CERK: variants seen among roughly 807,000 people sequenced by gnomAD.
CERK encodes ceramide kinase.
CERK carries 39 observed loss-of-function variants against 63.4 expected under a neutral mutation model. The ratio of observed to expected loss-of-function variants is 0.61; its 90% CI spans 0.48 to 0.80. The LOEUF (loss-of-function observed/expected upper bound fraction) is 0.80. Ranked by LOEUF, CERK falls within the 30% of genes least tolerant of loss-of-function variation. The pLI, the probability that CERK is intolerant of heterozygous loss-of-function variation, is 0.00. For missense variants in CERK, 670 were observed against 714.1 expected, an observed-to-expected ratio of 0.94 and a Z score of 0.70; for synonymous variants, 302 against 280.0, an observed-to-expected ratio of 1.08 and a Z score of -0.78.
chr22:46,703,547 A>G (rs546652869), intron 6 of CERK, among the ~76,000 whole-genome samples: 1 of 152,242 alleles, frequency 6.6e-6, no homozygotes, highest in Non-Finnish European at 1.5e-5. Flanking sequence ...CCAGGTTGCC[A>G]TGGTGACCGT....
chr22:46,701,660 T>C lies in CERK; in HGVS notation c.766A>G (p.Thr256Ala). ...YSTVGTSDAE[T>A]SALHIVVGDS... ...CCAACAACGATATGCAGCGCCGAGG[T>C]TTCTGCGTCGCTGGTGCCCACGGTG... is the stretch of plus-strand genomic sequence containing the variant. The change falls in exon 7 of 13, where the codon ACC (threonine) becomes GCC (alanine). Residue 256 changes from threonine (T) to alanine (A), a missense_variant. Coordinates refer to ENST00000216264, the MANE Select transcript of CERK (RefSeq NM_022766.6). 1 of 1,559,136 alleles carries C rather than the reference T, an allele frequency of 6.4e-7. No homozygotes were observed. Among genetic ancestry groups the C allele is most frequent in the Non-Finnish European group, 8.7e-7 (1 of 1,151,426 alleles).
chr22:46,713,098 T>C (rs1174453082), intron 3 of CERK, among the ~76,000 whole-genome samples: 2 of 152,046 alleles, frequency 1.3e-5, no homozygotes, highest in Admixed American at 1.3e-4. Flanking sequence ...CATTTCTGTT[T>C]TGGTGGGTTC....
At position 46,701,042 on chromosome 22, in the gene CERK, T is replaced by C. The variant is rs1170218616; in HGVS notation, c.790+594A>G. ...AAAAAAAAATCCTAAGTGGCTATTT[T>C]AAAATATACAGTTTCTGTGACTTCA... On this transcript the variant is annotated intron_variant, in intron 7 of 12. Coordinates refer to ENST00000216264, the MANE Select transcript of CERK (RefSeq NM_022766.6). 7.9e-5 allele frequency among the ~76,000 whole-genome samples: 12 copies of C among 152,216 alleles called. No homozygotes were observed. In the East Asian group the frequency reaches 1.7e-3, roughly 22 times the overall value.
intron 7 of CERK, among the ~76,000 whole-genome samples, chr22:46,699,752 G>A (rs2082774385): frequency 6.6e-6 from 1 of 152,208 alleles, no homozygotes; most frequent in African/African-American, 2.4e-5. Context: ...TTAACTGAAA[G>A]GACGGTGGTT....
At chr22:46,711,791 GGA>G (rs373010785) in intron 4 of CERK, among the ~76,000 whole-genome samples, 5 of 152,186 alleles carry the variant, frequency 3.3e-5, no homozygotes, top group South Asian at 2.1e-4. Flanking sequence ...TAATCTTACA[GGA>G]TAAAAATCTT....
intron 11 of CERK, among the ~76,000 whole-genome samples, chr22:46,691,056 TAC>T (rs141210280): frequency 0.011 from 1,593 of 147,272 alleles, 13 homozygotes; most frequent in Non-Finnish European, 0.013. Flanking sequence ...TATACATACA[TAC>T]ACACACACAC....
At chr22:46,716,392 T>C (rs148008385) in intron 3 of CERK, among the ~76,000 whole-genome samples, 4,615 of 151,162 alleles carry the variant, frequency 0.031, 244 homozygotes, top group African/African-American at 0.11. Flanking sequence ...GGTTTCACCA[T>C]GTTGGCCAGG....
At chr22:46,699,657 C>T (rs1174929800) in intron 7 of CERK, among the ~76,000 whole-genome samples, 192 bp from the exon 8 acceptor site, 2 of 152,240 alleles carry the variant, frequency 1.3e-5, no homozygotes, top group Non-Finnish European at 2.9e-5. Context: ...AATGACTGAA[C>T]TCCACTCAAA....
At chr22:46,717,864 T>C (rs2082873680) in intron 3 of CERK, among the ~76,000 whole-genome samples, 1 of 152,170 alleles carries the variant, frequency 6.6e-6, no homozygotes, top group South Asian at 2.1e-4. Context: ...GCGGATCACT[T>C]GAGGTCAGGA....
At chr22:46,710,408 C>T (rs2082834704) in intron 5 of CERK, among the ~76,000 whole-genome samples, 1 of 138,864 alleles carries the variant, frequency 7.2e-6, no homozygotes, top group Non-Finnish European at 1.5e-5. Context: ...GCCTGGGCAA[C>T]AAGAGCGAAA....
At position 46,699,506 on chromosome 22, in the gene CERK, C is replaced by T. The variant is rs374629064; in HGVS notation, c.791-41G>A. The T allele has an allele frequency of 2.2e-5, 35 of 1,605,490 alleles. No homozygotes were observed. In the African/African-American group the frequency reaches 3.7e-4, roughly 17 times the overall value. On this transcript the variant is annotated intron_variant, in intron 7 of 12. Transcript: ENST00000216264. Reference sequence around the variant, plus strand: ...GCCGTGAGGGAAGGCAGCCCCCCTCCAGCCCCGCCCCATCCACTCCATCCC... The same window carrying T: ...GCCGTGAGGGAAGGCAGCCCCCCTCTAGCCCCGCCCCATCCACTCCATCCC...
Position 46,712,509 on chromosome 22 carries a change from A to T in CERK, c.380-216T>A, listed in dbSNP as rs146618777. The stretch of plus-strand genomic sequence containing the variant: ...GTCCAACTGGGCAAAGGCTATACAC[A>T]CATGTCGGACATCATGAAACTCCCA... On this transcript the variant is annotated intron_variant, in intron 3 of 12. Transcript: ENST00000216264. 7.2e-3 allele frequency among the ~76,000 whole-genome samples: 1,090 copies of T among 152,346 alleles called. 12 individuals carry two copies. Among genetic ancestry groups the T allele is most frequent in the African/African-American group, 0.025 (1,040 of 41,576 alleles).
At chr22:46,737,794 C>T (rs1169115297) in intron 1 of CERK, among the ~76,000 whole-genome samples, 1 of 152,016 alleles carries the variant, frequency 6.6e-6, no homozygotes, top group Admixed American at 6.5e-5. Flanking sequence ...GCTTTGTCCT[C>T]GGGTTCCCGG....
chr22:46,737,717 C>G (rs1205305051), intron 1 of CERK, among the ~76,000 whole-genome samples: 1 of 152,182 alleles, frequency 6.6e-6, no homozygotes, highest in Admixed American at 6.5e-5. Flanking sequence ...CCGGGGGCCA[C>G]GACCCCGCGC....
chr22:46,713,423 G>A (rs1196780095), intron 3 of CERK, among the ~76,000 whole-genome samples: 1 of 150,578 alleles, frequency 6.6e-6, no homozygotes, highest in African/African-American at 2.4e-5. Flanking sequence ...GCAGGAGAAT[G>A]GCATGAACCC....
intron 3 of CERK, among the ~76,000 whole-genome samples, chr22:46,717,575 G>A (rs2082872522): frequency 6.6e-6 from 1 of 152,252 alleles, no homozygotes; most frequent in Non-Finnish European, 1.5e-5. Context: ...GGCACAAAAG[G>A]TTTCATACTG....
chr22:46,733,837 T>A (rs1045421980), intron 1 of CERK, among the ~76,000 whole-genome samples: 1 of 150,720 alleles, frequency 6.6e-6, no homozygotes, highest in Non-Finnish European at 1.5e-5. Context: ...AGGTCAGGAG[T>A]TCGAGACTAG....
At chr22:46,704,967 G>C (rs1285655384) in intron 6 of CERK, among the ~76,000 whole-genome samples, 2 of 152,156 alleles carry the variant, frequency 1.3e-5, no homozygotes, top group Non-Finnish European at 2.9e-5. Flanking sequence ...CACACATAAT[G>C]AAAGAAATAC....
intron 3 of CERK, among the ~76,000 whole-genome samples, chr22:46,719,414 G>C (rs565861040): frequency 6.6e-6 from 1 of 152,158 alleles, no homozygotes; most frequent in African/African-American, 2.4e-5. Context: ...GCTCACACCT[G>C]TAATCCCAGC....
Sources: allele counts gnomAD v4.1 joint callset (sites outside exome capture counted in the v4.1 genomes callset), GRCh38; gene constraint gnomAD v4.1.1; transcripts MANE v1.5; gene names NCBI Gene and HGNC (gene_info 2026-07-23, HGNC 2026-07-21).